The following ERCC8 variants were observed in gnomAD, a reference collection of about 807,000 sequenced individuals.
ERCC8 encodes the protein ERCC excision repair 8, CSA ubiquitin ligase complex subunit.
A neutral mutation model predicts 54.9 loss-of-function variants in ERCC8; 52 were observed. The ratio of observed to expected loss-of-function variants is 0.95; its 90% CI spans 0.76 to 1.19. ERCC8 has a LOEUF of 1.19. Among genes scored for constraint, ERCC8 ranks in the 50% most tolerant of loss-of-function variants. The pLI is 0.00. For missense variants in ERCC8, 514 were observed against 466.1 expected (o/e 1.10, Z -0.95); for synonymous variants, 146 against 157.2 (o/e 0.93, Z 0.53).
intron 2 of ERCC8, among the ~76,000 whole-genome samples, chr5:60,923,180 C>T (rs1266590578): frequency 6.6e-6 from 1 of 152,068 alleles, no homozygotes; most frequent in Non-Finnish European, 1.5e-5. Flanking sequence ...CACTCTCAAG[C>T]TGGTCTATTA....
intron 6 of ERCC8, among the ~76,000 whole-genome samples, chr5:60,903,120 T>C (rs1205183608): frequency 1.3e-5 from 2 of 151,984 alleles, no homozygotes; most frequent in Non-Finnish European, 2.9e-5. Flanking sequence ...ATTTGTTATG[T>C]GTTTCTTTGA....
At chr5:60,896,706 C>T (rs1240047720) in intron 9 of ERCC8, among the ~76,000 whole-genome samples, 2 of 151,956 alleles carry the variant, frequency 1.3e-5, no homozygotes, top group Non-Finnish European at 1.5e-5. Flanking sequence ...TGATCAAGTC[C>T]ACTGTAAAAT....
Position 60,867,135 on chromosome 5 carries a change from C to T in ERCC8, c.*7480G>A, listed in dbSNP as rs1281042046. 6.6e-6 allele frequency among the ~76,000 whole-genome samples: 1 copy of T among 152,102 alleles called. No homozygotes were observed. Among genetic ancestry groups the T allele is most frequent in the Non-Finnish European group, 1.5e-5 (1 of 68,030 alleles). ...ATAGGCGTGAGCCACCATGCCCAGC[C>T]CTTCCTTCATTTTTAACCAATGAAA... On this transcript the variant is annotated 3_prime_UTR_variant, in exon 12 of 12. Transcript: ENST00000676185.
chr5:60,931,306 T>C (rs533058652), intron 1 of ERCC8, among the ~76,000 whole-genome samples: 15 of 152,324 alleles, frequency 9.8e-5, no homozygotes, highest in African/African-American at 2.9e-4. Flanking sequence ...CATTAAATTT[T>C]TTTTTAAATT....
At chr5:60,901,078 CA>C in intron 7 of ERCC8, among the ~76,000 whole-genome samples, 1 of 151,960 alleles carries the variant, frequency 6.6e-6, no homozygotes, top group East Asian at 1.9e-4. Context: ...AATCCAGACA[CA>C]GATCTTTATA....
At chr5:60,896,056 G>A (rs373448911) in intron 9 of ERCC8, among the ~76,000 whole-genome samples, 6 of 151,912 alleles carry the variant, frequency 3.9e-5, no homozygotes, top group Admixed American at 2.0e-4. Context: ...GCATGCTCTC[G>A]GCTCACCGCA....
At chr5:60,913,412 T>C (rs765682382) in intron 4 of ERCC8, among the ~76,000 whole-genome samples, 4 of 152,142 alleles carry the variant, frequency 2.6e-5, no homozygotes, top group Non-Finnish European at 5.9e-5. Context: ...GATGGTAGTT[T>C]GTATTTCTGT....
At chr5:60,879,552 C>G (rs1276650151) in intron 11 of ERCC8, among the ~76,000 whole-genome samples, 1 of 152,116 alleles carries the variant, frequency 6.6e-6, no homozygotes, top group Non-Finnish European at 1.5e-5. Flanking sequence ...TCTGGGTGCT[C>G]CTGTATTGGG....
At chr5:60,890,036 C>T (rs1004519503) in intron 10 of ERCC8, among the ~76,000 whole-genome samples, 1 of 151,970 alleles carries the variant, frequency 6.6e-6, no homozygotes, top group African/African-American at 2.4e-5. Context: ...AGCTGTTTAC[C>T]AGCCAGTAGG....
chr5:60,941,273 A>T (rs1314920833), intron 1 of ERCC8, among the ~76,000 whole-genome samples: 2 of 152,212 alleles, frequency 1.3e-5, no homozygotes, highest in Non-Finnish European at 2.9e-5. Context: ...TTAGTTTTCA[A>T]TATAAAATTA....
At chr5:60,905,747 T>C (rs1250490293) in intron 4 of ERCC8, among the ~76,000 whole-genome samples, 1 of 152,236 alleles carries the variant, frequency 6.6e-6, no homozygotes, top group Non-Finnish European at 1.5e-5. Flanking sequence ...GGCATTGTAG[T>C]AAAGAGTTTA....
intron 2 of ERCC8, among the ~76,000 whole-genome samples, chr5:60,923,418 T>C (rs756644829): frequency 1.3e-5 from 2 of 152,036 alleles, no homozygotes; most frequent in African/African-American, 4.8e-5. Context: ...ATCTTATTAG[T>C]TTTTTTGGCA....
intron 11 of ERCC8, among the ~76,000 whole-genome samples, chr5:60,880,627 A>C (rs971660510): frequency 1.1e-4 from 16 of 152,126 alleles, no homozygotes; most frequent in African/African-American, 3.1e-4. Context: ...ATCTTCCATC[A>C]CTGATACCCT....
chr5:60,891,666 T>C (rs1170594476), intron 9 of ERCC8, among the ~76,000 whole-genome samples: 1 of 151,354 alleles, frequency 6.6e-6, no homozygotes, highest in East Asian at 1.9e-4. Context: ...CATATTCTTT[T>C]TTTTTTTTCC....
At chr5:60,886,063 T>C (rs929499865) in intron 11 of ERCC8, among the ~76,000 whole-genome samples, 3 of 148,772 alleles carry the variant, frequency 2.0e-5, no homozygotes, top group African/African-American at 7.6e-5. Flanking sequence ...TGTATATATA[T>C]ATGTATATAT....
intron 4 of ERCC8, among the ~76,000 whole-genome samples, chr5:60,912,381 G>C (rs1010084007): frequency 6.6e-6 from 1 of 151,940 alleles, no homozygotes; most frequent in African/African-American, 2.4e-5. Flanking sequence ...CTCATGATTT[G>C]GGTCTCTGTT....
chr5:60,871,112 G>C lies in ERCC8; in HGVS notation c.*3503C>G, dbSNP rs577541618. 6.6e-6 allele frequency among the ~76,000 whole-genome samples: 1 copy of C among 151,832 alleles called. No individual in the cohort carries two copies. Among genetic ancestry groups the C allele is most frequent in the South Asian group, 2.1e-4 (1 of 4,798 alleles). On this transcript the variant is annotated 3_prime_UTR_variant, in exon 12 of 12. Coordinates refer to ENST00000676185, the MANE Select transcript of ERCC8 (RefSeq NM_000082.4). ...ACCCAGCTAAACTATCATTTCAGAG[G>C]GGAAAAAAAAGATGATATTCAACAA... is the stretch of plus-strand genomic sequence containing the variant.
intron 3 of ERCC8, chr5:60,919,428 A>G (rs1468660734): frequency 6.6e-6 from 1 of 151,962 alleles, no homozygotes; most frequent in Non-Finnish European, 1.5e-5. Context: ...TACAACCGTG[A>G]TGCTTTTGGA....
intron 9 of ERCC8, among the ~76,000 whole-genome samples, chr5:60,894,824 T>C (rs1383756583): frequency 6.6e-6 from 1 of 152,178 alleles, no homozygotes; most frequent in Non-Finnish European, 1.5e-5. Context: ...TTGGGAATCA[T>C]GATCATGCAT....
Sources: gnomAD v4.1 joint callset for allele counts (sites outside exome capture counted in the v4.1 genomes callset) on GRCh38, gnomAD v4.1.1 for gene constraint, MANE v1.5 for transcripts, NCBI Gene and HGNC (gene_info 2026-07-23, HGNC 2026-07-21) for gene names.